The following ANK2 variants were observed in gnomAD, a reference collection of about 807,000 sequenced individuals.
The protein encoded by ANK2 is ankyrin 2.
ANK2 carries 83 observed loss-of-function variants against 360.5 expected under a neutral mutation model. That is an observed-to-expected ratio of 0.23 (90% CI 0.19 to 0.28). The LOEUF (loss-of-function observed/expected upper bound fraction) is 0.28, where lower values mean the gene tolerates loss of function less well. Among genes scored for constraint, ANK2 ranks in the 10% least tolerant of loss-of-function variants. The probability of loss-of-function intolerance (pLI) is 1.00; values close to 1 mark genes in which losing one functional copy is unlikely to be tolerated. For missense variants in ANK2, 4,201 were observed against 4,795.7 expected (o/e 0.88, Z 3.66); for synonymous variants, 1,740 against 1,759.5 (o/e 0.99, Z 0.28).
intron 1 of ANK2, among the ~76,000 whole-genome samples, chr4:113,154,803 G>A (rs1453215784): frequency 6.6e-6 from 1 of 152,098 alleles, no homozygotes; most frequent in Non-Finnish European, 1.5e-5. Flanking sequence ...AAAGAATTAA[G>A]CAGTGATCTA....
Position 113,196,049 on chromosome 4 carries a change from G to A in ANK2, c.187-319G>A, listed in dbSNP as rs181535870. 3.9e-5 allele frequency among the ~76,000 whole-genome samples: 6 copies of A among 152,214 alleles called. No individual in the cohort carries two copies. The East Asian group carries it at 1.2e-3, about 29-fold the overall frequency. On this transcript the variant is annotated intron_variant, in intron 2 of 45. Coordinates refer to ENST00000357077, the MANE Select transcript of ANK2 (RefSeq NM_001148.6). ...CAGAAAGTGTACAGAATTTTATTTT[G>A]TGCCAGTACAATAAATGGTATAAAA...
At chr4:112,742,445 G>A in the ANK2 span, among the ~76,000 whole-genome samples, 1 of 151,554 alleles carries the variant, frequency 6.6e-6, no homozygotes, top group African/African-American at 2.4e-5. Context: ...TATGGAGTTG[G>A]GTGAGTGGAG....
chr4:113,069,369 C>T (rs1330867765), intron 1 of ANK2, among the ~76,000 whole-genome samples: 2 of 152,190 alleles, frequency 1.3e-5, no homozygotes, highest in Admixed American at 1.3e-4. Flanking sequence ...AGGCCATCTT[C>T]CAGGTCTCCA....
At chr4:112,803,144 ATATC>A in the ANK2 span, among the ~76,000 whole-genome samples, 1 of 152,188 alleles carries the variant, frequency 6.6e-6, no homozygotes, top group Non-Finnish European at 1.5e-5. Context: ...TCCCTCGAGA[ATATC>A]TATCATAGTA....
intron 2 of ANK2, among the ~76,000 whole-genome samples, chr4:113,026,879 G>A (rs1472149051): frequency 6.6e-6 from 1 of 152,122 alleles, no homozygotes; most frequent in Non-Finnish European, 1.5e-5. Flanking sequence ...TGGAAACCTT[G>A]GAAAGGGTGG....
the ANK2 span, among the ~76,000 whole-genome samples, chr4:112,721,567 AAAG>A: frequency 6.6e-6 from 1 of 150,468 alleles, no homozygotes; most frequent in African/African-American, 2.4e-5. Context: ...AAAAAAAAAA[AAAG>A]GTTGGCTACC....
At chr4:112,957,921 C>T (rs1165776761) in intron 2 of ANK2, among the ~76,000 whole-genome samples, 1 of 137,690 alleles carries the variant, frequency 7.3e-6, no homozygotes, top group Non-Finnish European at 1.6e-5. Flanking sequence ...CAGACGGGGT[C>T]GCGGCCAGGT....
chr4:113,033,365 T>G (rs2060838947), intron 2 of ANK2, among the ~76,000 whole-genome samples: 1 of 151,992 alleles, frequency 6.6e-6, no homozygotes, highest in Non-Finnish European at 1.5e-5. Context: ...ATGGGATTCT[T>G]ATGTTCTGCC....
the ANK2 span, among the ~76,000 whole-genome samples, chr4:112,800,789 G>C: frequency 6.6e-6 from 1 of 152,056 alleles, no homozygotes; most frequent in Non-Finnish European, 1.5e-5. Context: ...CGAGTAGCTG[G>C]GATTACAGGT....
At chr4:112,743,521 T>C in the ANK2 span, among the ~76,000 whole-genome samples, 1,528 of 111,102 alleles carry the variant, frequency 0.014, 39 homozygotes, top group African/African-American at 0.038. Context: ...TTCCTTCCTT[T>C]CTTTCTTTCT....
intron 1 of ANK2, among the ~76,000 whole-genome samples, chr4:113,059,341 T>C (rs151012176): frequency 1.8e-3 from 271 of 152,296 alleles, no homozygotes; most frequent in African/African-American, 5.3e-3. Flanking sequence ...GTCAGTCAAA[T>C]TCAGAAGACT....
At chr4:113,332,989 C>T (rs766473463) in intron 28 of ANK2, 65 bp from the exon 29 acceptor site, 146 of 1,606,542 alleles carry the variant, frequency 9.1e-5, no homozygotes, top group Middle Eastern at 1.8e-4. Context: ...GCAACAGAGT[C>T]GAGGTGCTTG....
chr4:113,069,149 G>T (rs76574186), intron 1 of ANK2, among the ~76,000 whole-genome samples: 50 of 152,230 alleles, frequency 3.3e-4, no homozygotes, highest in Admixed American at 5.9e-4. Flanking sequence ...AAAAGGTGAG[G>T]TAAGCACAGA....
chr4:112,856,717 G>A (rs1419199839), intron 1 of ANK2, among the ~76,000 whole-genome samples: 2 of 152,242 alleles, frequency 1.3e-5, no homozygotes, highest in African/African-American at 4.8e-5. Flanking sequence ...AACAGAGCGA[G>A]ACTCCGTCTC....
At chr4:112,858,658 C>T (rs1221526111) in intron 1 of ANK2, among the ~76,000 whole-genome samples, 1 of 152,360 alleles carries the variant, frequency 6.6e-6, no homozygotes, top group South Asian at 2.1e-4. Flanking sequence ...CAAAATGATT[C>T]TGTCTAGGAC....
intron 45 of ANK2, among the ~76,000 whole-genome samples, chr4:113,377,149 T>A (rs1476583002): frequency 6.6e-6 from 1 of 152,166 alleles, no homozygotes; most frequent in African/African-American, 2.4e-5. Context: ...ACATAGTAAA[T>A]GTATTTACCG....
intron 26 of ANK2, among the ~76,000 whole-genome samples, chr4:113,321,602 A>G (rs2086296311): frequency 6.6e-6 from 1 of 152,196 alleles, no homozygotes; most frequent in African/African-American, 2.4e-5. Context: ...TCATGTAGCA[A>G]GAGTTTTTTG....
the ANK2 span, among the ~76,000 whole-genome samples, chr4:112,746,214 G>GA: frequency 6.6e-6 from 1 of 151,924 alleles, no homozygotes; most frequent in Non-Finnish European, 1.5e-5. Flanking sequence ...TAAAACAATT[G>GA]AAAAATTATA....
At chr4:113,171,456 TTTA>T (rs1296301517) in intron 1 of ANK2, among the ~76,000 whole-genome samples, 1 of 152,206 alleles carries the variant, frequency 6.6e-6, no homozygotes, top group Non-Finnish European at 1.5e-5. Flanking sequence ...AAAACCTCAT[TTTA>T]TTTCTGTCTT....
Sources: gnomAD v4.1 joint callset for allele counts (sites outside exome capture counted in the v4.1 genomes callset) on GRCh38, gnomAD v4.1.1 for gene constraint, MANE v1.5 for transcripts, NCBI Gene and HGNC (gene_info 2026-07-23, HGNC 2026-07-21) for gene names.